RSPH4A: variants seen among roughly 807,000 people sequenced by gnomAD.
The protein encoded by RSPH4A is radial spoke head component 4A, also known as radial spoke head protein 4 homolog A.
A neutral mutation model predicts 71.0 loss-of-function variants in RSPH4A; 47 were observed. The ratio of observed to expected loss-of-function variants is 0.66; its 90% CI spans 0.52 to 0.84. The LOEUF (loss-of-function observed/expected upper bound fraction) is 0.84. Among genes scored for constraint, RSPH4A ranks in the 40% least tolerant of loss-of-function variants. The probability of loss-of-function intolerance (pLI) is 0.00; values close to 1 mark genes in which losing one functional copy is unlikely to be tolerated. For missense variants in RSPH4A, 793 were observed against 855.2 expected, an observed-to-expected ratio of 0.93 and a Z score of 0.91; for synonymous variants, 282 against 302.3, an observed-to-expected ratio of 0.93 and a Z score of 0.70.
In RSPH4A at chr6:116,632,450, AAAT is replaced by A. The variant is rs1451852874; in HGVS notation, c.*10_*12del. The A allele has an allele frequency of 6.2e-7, 1 of 1,605,874 alleles. No homozygotes were observed. Among genetic ancestry groups the A allele is most frequent in the East Asian group, 2.2e-5 (1 of 44,774 alleles). On this transcript the variant is annotated 3_prime_UTR_variant, in exon 6 of 6. Transcript: ENST00000229554. ...AAGATGATTATGACTAATAAACATA[AAAT>A]TAGCCTGGTTTTATGTGACACTGAT... is the stretch of plus-strand genomic sequence containing the variant.
intron 2 of RSPH4A, among the ~76,000 whole-genome samples, chr6:116,626,134 A>G (rs1203882753): frequency 6.6e-6 from 1 of 152,202 alleles, no homozygotes; most frequent in African/African-American, 2.4e-5. Flanking sequence ...GGTACAGCAA[A>G]TGTCAAGGAA....
intron 1 of RSPH4A, among the ~76,000 whole-genome samples, chr6:116,617,669 A>G (rs72950478): frequency 0.023 from 3,482 of 152,260 alleles, 68 homozygotes; most frequent in Middle Eastern, 0.099. Context: ...ATAATTGTCT[A>G]CCAGTGAAAG....
intron 3 of RSPH4A, among the ~76,000 whole-genome samples, chr6:116,628,966 GT>G (rs1775746498): frequency 6.6e-6 from 1 of 152,138 alleles, no homozygotes; most frequent in Non-Finnish European, 1.5e-5. Flanking sequence ...TTGAAAGAGA[GT>G]TTAGGAAATG....
Position 116,627,629 on chromosome 6 carries a change from G to T in RSPH4A, c.922G>T (p.Ala308Ser). Reference sequence around the variant, plus strand: ...TTAACCACAGCATTTGTTTCCCCAGGCAGAAAACGCTCTTCCAAATGTAAT... The same window carrying T: ...TTAACCACAGCATTTGTTTCCCCAGTCAGAAAACGCTCTTCCAAATGTAAT... ...GVDQELEDEI[A>S]ENALPNVMES... The change falls in exon 3 of 6, where the codon GCA becomes TCA. Residue 308 changes from alanine to serine, a missense_variant and splice_region_variant. Coordinates refer to ENST00000229554, the MANE Select transcript of RSPH4A (RefSeq NM_001010892.3). The T allele has an allele frequency of 6.2e-7, 1 of 1,612,674 alleles. No individual in the cohort carries two copies. The highest frequency in any genetic ancestry group is 8.5e-7 in the Non-Finnish European group (1 of 1,178,696).
intron 1 of RSPH4A, among the ~76,000 whole-genome samples, chr6:116,621,612 A>G (rs1775609939): frequency 6.6e-6 from 1 of 152,306 alleles, no homozygotes; most frequent in South Asian, 2.1e-4. Context: ...GGGAAGGATG[A>G]TTTTGGGGAA....
At chr6:116,631,802 CAT>C (rs1257242475) in intron 5 of RSPH4A, among the ~76,000 whole-genome samples, 1 of 152,162 alleles carries the variant, frequency 6.6e-6, no homozygotes, top group Non-Finnish European at 1.5e-5. Context: ...AAAAGTAACA[CAT>C]AGGTTTCTAA....
At chr6:116,618,092 A>T (rs761198471) in intron 1 of RSPH4A, among the ~76,000 whole-genome samples, 8 of 152,156 alleles carry the variant, frequency 5.3e-5, no homozygotes, top group Non-Finnish European at 8.8e-5. Flanking sequence ...GTCATGGAGA[A>T]CCTAATTTGC....
chr6:116,620,656 G>A (rs190077749), intron 1 of RSPH4A, among the ~76,000 whole-genome samples: 1 of 152,162 alleles, frequency 6.6e-6, no homozygotes, highest in Non-Finnish European at 1.5e-5. Flanking sequence ...TTGACACAAA[G>A]GCATTTTCAG....
chr6:116,632,080 T>C (rs940914448), intron 5 of RSPH4A, 127 bp from the exon 6 acceptor site: 5 of 673,788 alleles, frequency 7.4e-6, no homozygotes, highest in Non-Finnish European at 1.3e-5. Context: ...CTTCTAGCAT[T>C]TTACATGTAT....
intron 3 of RSPH4A, among the ~76,000 whole-genome samples, chr6:116,628,861 G>T (rs1775743714): frequency 6.6e-6 from 1 of 152,138 alleles, no homozygotes; most frequent in South Asian, 2.1e-4. Flanking sequence ...AGGTGTGTGT[G>T]TGTTGGGGTG....
rs1233497105 is a variant in RSPH4A, at chr6:116,632,413, A to G, written c.2123A>G (p.Asp708Gly). Reference protein sequence around the residue: ...LAAENEESEEDEDEEDDYD With the variant: ...LAAENEESEEGEDEEDDYD ...GCTGAGAATGAAGAATCTGAGGAAG[A>G]TGAAGATGAGGAAGATGATTATGAC... is the stretch of plus-strand genomic sequence containing the variant. The change falls in exon 6 of 6, where the codon GAT becomes GGT. Residue 708 changes from aspartate to glycine, a missense_variant. Coordinates refer to ENST00000229554, the MANE Select transcript of RSPH4A (RefSeq NM_001010892.3). 2 of 1,613,776 alleles carry G rather than the reference A, an allele frequency of 1.2e-6. No homozygotes were observed. The highest frequency in any genetic ancestry group is 1.3e-5 in the African/African-American group (1 of 75,050).
In RSPH4A at chr6:116,628,196, G is replaced by A. The variant is rs117169123; in HGVS notation, c.1489G>A (p.Val497Ile). Residue 497 changes from valine to isoleucine, a missense_variant, in exon 3 of 6, where the codon GTC becomes ATC. Coordinates refer to ENST00000229554, the MANE Select transcript of RSPH4A (RefSeq NM_001010892.3). ...QIARISAGTHVSPLGFYQFGE... is the reference protein window; with the variant it reads ...QIARISAGTHISPLGFYQFGE... ...TGCCCGAATTTCAGCAGGAACCCAC[G>A]TCAGTCCTCTAGGATTTTATCAGTT... The A allele has an allele frequency of 0.015, 24,188 of 1,614,050 alleles. 251 individuals carry two copies. Among genetic ancestry groups the A allele is most frequent in the Non-Finnish European group, 0.017 (19,687 of 1,179,970 alleles).
chr6:116,617,265 T>A lies in RSPH4A; in HGVS notation c.642T>A (p.Ala214=). 1 of 1,613,850 alleles carries A rather than the reference T, an allele frequency of 6.2e-7. No individual in the cohort carries two copies. Among genetic ancestry groups the A allele is most frequent in the Non-Finnish European group, 8.5e-7 (1 of 1,179,908 alleles). ...TGCTTGAGATCACCATTCAGAATGC[T>A]AAGGCTTACCTGCTGAAGACTAGCA... ...PSMLEITIQN[A]KAYLLKTSSN... Residue 214 remains alanine, a synonymous_variant, in exon 1 of 6, where the codon GCT becomes GCA. Transcript: ENST00000229554.
Position 116,630,498 on chromosome 6 carries a change from T to C in RSPH4A, c.1862T>C (p.Ile621Thr). 3 of 1,612,020 alleles carry C rather than the reference T, an allele frequency of 1.9e-6. No individual in the cohort carries two copies. Among genetic ancestry groups the C allele is most frequent in the Non-Finnish European group, 2.5e-6 (3 of 1,178,132 alleles). The change falls in exon 5 of 6, where the codon ATT becomes ACT. Residue 621 changes from isoleucine (I) to threonine (T), a missense_variant. Physicochemically the swap from Ile to Thr is moderately conservative, Grantham distance 89. Transcript: ENST00000229554. ...TCAAATCTCATTCCACAATATGCTA[T>C]TGCAGTCCTTCAATCCAACCTTTGG... ...LSSNLIPQYA[I>T]AVLQSNLWPG...
chr6:116,630,679 T>G (rs1775787563), intron 5 of RSPH4A, 127 bp downstream of exon 5: 1 of 542,412 alleles, frequency 1.8e-6, no homozygotes, highest in Non-Finnish European at 3.2e-6. Context: ...TTTTTTTTTT[T>G]TTTTTTTTTT....
intron 1 of RSPH4A, among the ~76,000 whole-genome samples, chr6:116,619,994 C>A (rs1775575286): frequency 6.6e-6 from 1 of 152,244 alleles, no homozygotes; most frequent in South Asian, 2.1e-4. Flanking sequence ...GTTGGGATTA[C>A]AGGCGTGAGC....
chr6:116,622,271 T>C (rs1775622903), intron 1 of RSPH4A, among the ~76,000 whole-genome samples: 1 of 152,114 alleles, frequency 6.6e-6, no homozygotes, highest in Admixed American at 6.6e-5. Flanking sequence ...AAATTGGATT[T>C]GGTGAGCGGA....
At chr6:116,630,346 T>C in intron 4 of RSPH4A, 89 bp from the exon 5 acceptor site, 2 of 768,130 alleles carry the variant, frequency 2.6e-6, no homozygotes, top group Non-Finnish European at 4.8e-6. Flanking sequence ...TGCATGCATG[T>C]GTGTGTGTGT....
intron 3 of RSPH4A, among the ~76,000 whole-genome samples, chr6:116,628,774 GAAC>G (rs776702057): frequency 3.9e-5 from 6 of 152,018 alleles, no homozygotes; most frequent in Admixed American, 1.3e-4. Context: ...TTTGTGCCAA[GAAC>G]AATAAGGGAT....
Sources: allele counts gnomAD v4.1 joint callset (sites outside exome capture counted in the v4.1 genomes callset), GRCh38; gene constraint gnomAD v4.1.1; transcripts MANE v1.5; gene names NCBI Gene and HGNC (gene_info 2026-07-23, HGNC 2026-07-21).